The following RBFOX1 variants were observed in gnomAD, a reference collection of about 807,000 sequenced individuals.
RBFOX1 encodes the protein RNA binding fox-1 homolog 1.
In RBFOX1, 8 loss-of-function variants were observed where a neutral mutation model predicts 57.7. The ratio of observed to expected loss-of-function variants is 0.14; its 90% CI spans 0.08 to 0.25. The LOEUF (loss-of-function observed/expected upper bound fraction) is 0.25, where lower values mean the gene tolerates loss of function less well. RBFOX1 is among the 10% of genes least tolerant of loss of function. The pLI is 1.00. For synonymous variants in RBFOX1, 326 were observed against 222.4 expected (o/e 1.47, Z -4.15); for missense variants, 611 against 548.5 (o/e 1.11, Z -1.14).
chr16:6,490,103 C>T (rs1009664694), intron 2 of RBFOX1, among the ~76,000 whole-genome samples: 2 of 152,140 alleles, frequency 1.3e-5, no homozygotes, highest in Non-Finnish European at 2.9e-5. Context: ...GTTTGTTGTT[C>T]CACATTTAGG....
intron 1 of RBFOX1, among the ~76,000 whole-genome samples, chr16:5,278,610 A>T (rs985669520): frequency 2.6e-5 from 4 of 152,178 alleles, no homozygotes; most frequent in Non-Finnish European, 5.9e-5. Flanking sequence ...ATTTAGTTTA[A>T]TATAATCCCA....
intron 4 of RBFOX1, among the ~76,000 whole-genome samples, chr16:7,056,350 C>T (rs530607084): frequency 6.6e-5 from 10 of 152,272 alleles, no homozygotes; most frequent in African/African-American, 2.2e-4. Context: ...GAGTGTTCTT[C>T]TGAGCTTGCA....
chr16:5,440,438 A>G (rs2068050285), intron 1 of RBFOX1, among the ~76,000 whole-genome samples: 1 of 152,164 alleles, frequency 6.6e-6, no homozygotes, highest in African/African-American at 2.4e-5. Context: ...AAAAATTTCC[A>G]CGGTGTTGTT....
intron 3 of RBFOX1, among the ~76,000 whole-genome samples, chr16:7,037,799 C>G (rs991568512): frequency 3.3e-5 from 5 of 152,130 alleles, no homozygotes; most frequent in Non-Finnish European, 4.4e-5. Context: ...CGATTTTGTT[C>G]TCTGAACCAC....
intron 3 of RBFOX1, chr16:6,776,007 C>T (rs1423631250): frequency 1.3e-5 from 2 of 152,150 alleles, no homozygotes; most frequent in African/African-American, 4.8e-5. Flanking sequence ...AAATTTCTTT[C>T]CCAGGTTAGT....
intron 4 of RBFOX1, among the ~76,000 whole-genome samples, chr16:7,315,027 A>G (rs2096404768): frequency 6.6e-6 from 1 of 152,020 alleles, no homozygotes; most frequent in African/African-American, 2.4e-5. Flanking sequence ...AAAACAAATC[A>G]TAACCTCATA....
chr16:6,238,252 A>G (rs924763263), intron 1 of RBFOX1, among the ~76,000 whole-genome samples: 1 of 152,188 alleles, frequency 6.6e-6, no homozygotes, highest in African/African-American at 2.4e-5. Flanking sequence ...ATGGCCAGGC[A>G]TATTATAATG....
chr16:7,651,925 G>A (rs958280677), intron 11 of RBFOX1, among the ~76,000 whole-genome samples: 1 of 152,194 alleles, frequency 6.6e-6, no homozygotes, highest in Non-Finnish European at 1.5e-5. Context: ...TATGGTGAGA[G>A]CACTGGGAGG....
Position 5,361,832 on chromosome 16 carries a change from G to A in RBFOX1, c.220-105384G>A, listed in dbSNP as rs1200443970. Reference sequence around the variant, plus strand: ...AAGAAAAGTTAGTGGGAGACATAGAGAAAGTACTTCTGAGGCTAGCCTATG... The same window carrying A: ...AAGAAAAGTTAGTGGGAGACATAGAAAAAGTACTTCTGAGGCTAGCCTATG... On this transcript the variant is annotated intron_variant, in intron 1 of 2. Coordinates refer to the RBFOX1 transcript ENST00000585867. 2.0e-5 allele frequency among the ~76,000 whole-genome samples: 3 copies of A among 152,220 alleles called. No homozygotes were observed. In the East Asian group the frequency reaches 5.8e-4, roughly 29 times the overall value.
chr16:7,136,303 A>G (rs1190152796), intron 4 of RBFOX1, among the ~76,000 whole-genome samples: 1 of 151,992 alleles, frequency 6.6e-6, no homozygotes, highest in East Asian at 1.9e-4. Flanking sequence ...TTTGTCTCAT[A>G]TTAGCCACAT....
chr16:6,170,443 T>C (rs1304357475), intron 1 of RBFOX1, among the ~76,000 whole-genome samples: 1 of 152,072 alleles, frequency 6.6e-6, no homozygotes. Flanking sequence ...TGTGGGCTCC[T>C]CTTCTGCTCT....
At chr16:7,139,424 A>G (rs1165764946) in intron 4 of RBFOX1, among the ~76,000 whole-genome samples, 5 of 152,118 alleles carry the variant, frequency 3.3e-5, no homozygotes, top group Admixed American at 2.6e-4. Context: ...GAGTTCAGAG[A>G]CAAAGAGGGT....
At chr16:7,378,489 T>G (rs1429399772) in intron 4 of RBFOX1, among the ~76,000 whole-genome samples, 1 of 152,088 alleles carries the variant, frequency 6.6e-6, no homozygotes, top group African/African-American at 2.4e-5. Flanking sequence ...CTGGTACTTG[T>G]GTAACATTTC....
At chr16:5,723,290 C>T (rs1050646456) in intron 3 of RBFOX1, among the ~76,000 whole-genome samples, 1 of 152,192 alleles carries the variant, frequency 6.6e-6, no homozygotes, top group African/African-American at 2.4e-5. Flanking sequence ...TCTCATTCGT[C>T]TGCCATTGGA....
intron 2 of RBFOX1, among the ~76,000 whole-genome samples, chr16:6,597,258 C>G (rs535989977): frequency 2.3e-4 from 35 of 152,286 alleles, no homozygotes; most frequent in African/African-American, 5.1e-4. Context: ...TTCACCTAGA[C>G]TTTGTTTTGC....
At chr16:5,666,640 G>A (rs1004077698) in intron 3 of RBFOX1, among the ~76,000 whole-genome samples, 1 of 152,204 alleles carries the variant, frequency 6.6e-6, no homozygotes, top group Non-Finnish European at 1.5e-5. Context: ...AATAGGACTG[G>A]CAGTGAGCTA....
chr16:5,901,672 A>C (rs1196110688), intron 4 of RBFOX1, among the ~76,000 whole-genome samples: 2 of 152,188 alleles, frequency 1.3e-5, no homozygotes, highest in East Asian at 3.9e-4. Context: ...AATTTCCATC[A>C]CTACAAAAAT....
chr16:7,258,763 C>A (rs2094800326), intron 4 of RBFOX1, among the ~76,000 whole-genome samples: 1 of 152,126 alleles, frequency 6.6e-6, no homozygotes, highest in Non-Finnish European at 1.5e-5. Flanking sequence ...TTATTAGTTG[C>A]TGCAACTACT....
chr16:7,596,136 CA>C (rs1220643324), intron 8 of RBFOX1, among the ~76,000 whole-genome samples: 61 of 3,620 alleles, frequency 0.017, no homozygotes, highest in African/African-American at 0.023. Flanking sequence ...GAAAAAAAAA[CA>C]AAAAAAAAAA....
Sources: gnomAD v4.1 joint callset for allele counts (sites outside exome capture counted in the v4.1 genomes callset) on GRCh38, gnomAD v4.1.1 for gene constraint, MANE v1.5 for transcripts, NCBI Gene and HGNC (gene_info 2026-07-23, HGNC 2026-07-21) for gene names.